MEGF6: variants seen among roughly 807,000 people sequenced by gnomAD.
MEGF6 encodes multiple epidermal growth factor-like domains protein 6.
In MEGF6, 184 loss-of-function variants were observed where a neutral mutation model predicts 207.1. That is an observed-to-expected ratio of 0.89 (90% CI 0.79 to 1.00). The LOEUF (loss-of-function observed/expected upper bound fraction) is 1.00. MEGF6 is among the 50% of genes least tolerant of loss of function. MEGF6 has a pLI of 0.00. For missense variants in MEGF6, 2,282 were observed against 2,202.9 expected, an observed-to-expected ratio of 1.04 and a Z score of -0.72; for synonymous variants, 1,038 against 910.0, an observed-to-expected ratio of 1.14 and a Z score of -2.53.
intron 1 of MEGF6, among the ~76,000 whole-genome samples, chr1:3,608,100 C>T (rs908150172): frequency 1.3e-4 from 20 of 151,980 alleles, no homozygotes; most frequent in South Asian, 2.1e-4. Flanking sequence ...AACGGCCTCG[C>T]GCTTATTTTT....
At chr1:3,562,304 GTC>G (rs1643227662) in intron 4 of MEGF6, among the ~76,000 whole-genome samples, 1 of 152,092 alleles carries the variant, frequency 6.6e-6, no homozygotes, top group Non-Finnish European at 1.5e-5. Context: ...CCCTCGCTGT[GTC>G]TCTGTCTCTT....
intron 4 of MEGF6, among the ~76,000 whole-genome samples, chr1:3,546,167 G>A (rs1473591608): frequency 6.6e-6 from 1 of 152,152 alleles, no homozygotes; most frequent in African/African-American, 2.4e-5. Context: ...GACAGCTTGG[G>A]GCCCCCACTG....
intron 7 of MEGF6, among the ~76,000 whole-genome samples, chr1:3,512,475 A>G (rs1007895807): frequency 6.6e-6 from 1 of 152,160 alleles, no homozygotes; most frequent in African/African-American, 2.4e-5. Context: ...CTGTGTCCCC[A>G]CCCAAATCTC....
intron 4 of MEGF6, among the ~76,000 whole-genome samples, chr1:3,562,232 CTT>C (rs1309846679): frequency 6.6e-6 from 1 of 152,190 alleles, no homozygotes. Flanking sequence ...CCATCTCTAT[CTT>C]TTTCTATCTC....
intron 4 of MEGF6, among the ~76,000 whole-genome samples, chr1:3,551,443 G>C (rs1212721504): frequency 6.6e-6 from 1 of 152,150 alleles, no homozygotes; most frequent in Non-Finnish European, 1.5e-5. Flanking sequence ...AGCCAATCCA[G>C]CTCCACACAT....
chr1:3,570,791 C>T (rs1023663916), intron 4 of MEGF6, among the ~76,000 whole-genome samples: 13 of 152,216 alleles, frequency 8.5e-5, no homozygotes, highest in Non-Finnish European at 1.5e-4. Context: ...CCCCCTCCAC[C>T]GCCCAGCCTG....
intron 4 of MEGF6, among the ~76,000 whole-genome samples, chr1:3,554,026 G>A (rs1001059882): frequency 6.6e-6 from 1 of 152,212 alleles, no homozygotes; most frequent in East Asian, 1.9e-4. Flanking sequence ...CAAGCGGGGG[G>A]CCCTGTGCGA....
At chr1:3,609,329 G>A (rs972658852) in intron 1 of MEGF6, among the ~76,000 whole-genome samples, 3 of 152,204 alleles carry the variant, frequency 2.0e-5, no homozygotes, top group Non-Finnish European at 2.9e-5. Flanking sequence ...CAGGGTCCCC[G>A]CACTCACTCA....
intron 3 of MEGF6, among the ~76,000 whole-genome samples, chr1:3,585,396 G>T (rs1478785571): frequency 4.0e-5 from 6 of 150,034 alleles, no homozygotes; most frequent in South Asian, 4.2e-4. Flanking sequence ...CGCATGTCCT[G>T]TGTGTGGGTG....
intron 4 of MEGF6, among the ~76,000 whole-genome samples, chr1:3,545,330 A>T (rs1642667061): frequency 6.6e-6 from 1 of 152,178 alleles, no homozygotes; most frequent in Non-Finnish European, 1.5e-5. Flanking sequence ...GCCAGTGAGC[A>T]GCCCTGGGTG....
At chr1:3,501,992 G>C in intron 17 of MEGF6, 71 bp from the exon 18 acceptor site, 1 of 1,527,746 alleles carries the variant, frequency 6.5e-7, no homozygotes, top group Middle Eastern at 1.8e-4. Context: ...TTCCCCCAGG[G>C]GCTCCTGGTG....
chr1:3,499,390 CCTCTGGCTCAGGCCACCCA>C, intron 23 of MEGF6, 124 bp from the exon 24 acceptor site: 1 of 1,426,842 alleles, frequency 7.0e-7, no homozygotes, highest in Non-Finnish European at 9.3e-7. Flanking sequence ...CTCTCCCCTC[CCTCTGGCTCAGGCCACCCA>C]CTCAGCAGAG....
intron 1 of MEGF6, among the ~76,000 whole-genome samples, chr1:3,605,993 GTCC>G (rs1644244994): frequency 6.6e-6 from 1 of 152,176 alleles, no homozygotes; most frequent in Non-Finnish European, 1.5e-5. Context: ...GTGCCACCCT[GTCC>G]TCCTCCTACT....
intron 5 of MEGF6, among the ~76,000 whole-genome samples, chr1:3,523,243 G>A (rs191122064): frequency 2.6e-5 from 4 of 152,316 alleles, no homozygotes; most frequent in African/African-American, 9.6e-5. Context: ...CCCAGACAGA[G>A]ACCAGCAAGA....
At chr1:3,529,412 G>A (rs189711190) in intron 4 of MEGF6, among the ~76,000 whole-genome samples, 1 of 152,372 alleles carries the variant, frequency 6.6e-6, no homozygotes, top group African/African-American at 2.4e-5. Flanking sequence ...CCCCACACGG[G>A]GCAGGGGGCA....
the MEGF6 span, among the ~76,000 whole-genome samples, chr1:3,616,544 G>A: frequency 6.6e-6 from 1 of 152,148 alleles, no homozygotes; most frequent in Non-Finnish European, 1.5e-5. Flanking sequence ...GCAGGTGATG[G>A]CCAGAGACGG....
chr1:3,583,303 C>T (rs888316154), intron 3 of MEGF6, among the ~76,000 whole-genome samples: 86 of 150,866 alleles, frequency 5.7e-4, no homozygotes, highest in African/African-American at 1.9e-3. Context: ...CACCAGACAA[C>T]GCGCAGCCAC....
intron 1 of MEGF6, among the ~76,000 whole-genome samples, chr1:3,610,516 T>G (rs1644311267): frequency 1.3e-5 from 2 of 152,194 alleles, no homozygotes; most frequent in Admixed American, 1.3e-4. Flanking sequence ...GCCGCACGTT[T>G]TCCTTTGAGG....
At chr1:3,498,647 G>A in intron 25 of MEGF6, 51 bp downstream of exon 25, 1 of 1,515,746 alleles carries the variant, frequency 6.6e-7, no homozygotes, top group East Asian at 2.5e-5. Context: ...TGCAGGCGGG[G>A]CTGCACCAAG....
Sources: allele counts gnomAD v4.1 joint callset (sites outside exome capture counted in the v4.1 genomes callset), GRCh38; gene constraint gnomAD v4.1.1; transcripts MANE v1.5; gene names NCBI Gene and HGNC (gene_info 2026-07-23, HGNC 2026-07-21).